CENPP: variants seen among roughly 807,000 people sequenced by gnomAD.
CENPP encodes centromere protein P.
CENPP carries 24 observed loss-of-function variants against 35.6 expected under a neutral mutation model. That is an observed-to-expected ratio of 0.67 (90% CI 0.49 to 0.95). The LOEUF is 0.95. Ranked by LOEUF, CENPP falls within the 40% of genes least tolerant of loss-of-function variation. The pLI is 0.00. For missense variants in CENPP, 332 were observed against 345.3 expected (o/e 0.96, Z 0.31); for synonymous variants, 120 against 125.5 (o/e 0.96, Z 0.29).
At chr9:92,457,365 A>G in intron 5 of CENPP, 1 of 1,613,892 alleles carries the variant, frequency 6.2e-7, no homozygotes, top group Non-Finnish European at 8.5e-7. Context: ...ATTTCCCAGT[A>G]TTTCACCGGG....
chr9:92,502,946 T>C (rs1459785176), intron 5 of CENPP, among the ~76,000 whole-genome samples: 1 of 151,638 alleles, frequency 6.6e-6, no homozygotes, highest in Non-Finnish European at 1.5e-5. Context: ...TGACTGAGAC[T>C]ACAGGTATGC....
chr9:92,337,742 C>T (rs1276093080), intron 3 of CENPP, 113 bp downstream of exon 3: 6 of 737,022 alleles, frequency 8.1e-6, no homozygotes, highest in South Asian at 4.6e-5. Flanking sequence ...TGAGCCAGGG[C>T]CCCCCCATTC....
intron 5 of CENPP, among the ~76,000 whole-genome samples, chr9:92,540,073 G>A (rs1383944283): frequency 6.6e-6 from 1 of 152,106 alleles, no homozygotes; most frequent in Non-Finnish European, 1.5e-5. Flanking sequence ...TTTTTAAAGT[G>A]CACAGTTAAA....
At chr9:92,349,579 T>G (rs776303563) in intron 4 of CENPP, among the ~76,000 whole-genome samples, 2 of 151,944 alleles carry the variant, frequency 1.3e-5, no homozygotes, top group African/African-American at 2.4e-5. Context: ...AGTTTTTGTA[T>G]TTTTAGGAGA....
chr9:92,415,273 C>A (rs1227769377), intron 5 of CENPP: 1 of 1,613,600 alleles, frequency 6.2e-7, no homozygotes, highest in Admixed American at 1.7e-5. Context: ...ATCTGGAAAT[C>A]TCCTGAAAAC....
At chr9:92,548,847 C>T (rs1330504981) in intron 5 of CENPP, among the ~76,000 whole-genome samples, 1 of 152,084 alleles carries the variant, frequency 6.6e-6, no homozygotes, top group African/African-American at 2.4e-5. Flanking sequence ...AAAATCCTAG[C>T]AGTTCACTTT....
At chr9:92,354,322 G>A (rs916277803) in intron 4 of CENPP, among the ~76,000 whole-genome samples, 11 of 152,248 alleles carry the variant, frequency 7.2e-5, no homozygotes, top group Admixed American at 2.6e-4. Flanking sequence ...GTGCCATATC[G>A]GGGGTCAGTG....
intron 5 of CENPP, among the ~76,000 whole-genome samples, chr9:92,579,122 A>C (rs1331364045): frequency 6.7e-6 from 1 of 150,210 alleles, no homozygotes; most frequent in African/African-American, 2.5e-5. Flanking sequence ...GATATGCAGC[A>C]TTATTTCTGA....
intron 3 of CENPP, among the ~76,000 whole-genome samples, chr9:92,338,059 C>G (rs1228991672): frequency 1.3e-5 from 2 of 152,170 alleles, no homozygotes; most frequent in African/African-American, 4.8e-5. Context: ...CACCTGTAGT[C>G]TCAGCATTTT....
At chr9:92,553,589 T>C (rs1849660363) in intron 5 of CENPP, among the ~76,000 whole-genome samples, 1 of 152,128 alleles carries the variant, frequency 6.6e-6, no homozygotes, top group South Asian at 2.1e-4. Flanking sequence ...CTTTCAGCAG[T>C]GTTTTGTAGT....
At chr9:92,439,786 A>C (rs1201616306) in intron 5 of CENPP, among the ~76,000 whole-genome samples, 1 of 152,196 alleles carries the variant, frequency 6.6e-6, no homozygotes, top group Non-Finnish European at 1.5e-5. Context: ...GAATTATGTA[A>C]TATTACTACA....
rs75091981 is a variant in CENPP, at chr9:92,476,758, C to T, written c.564+96899C>T. ...GACTCATCCCTCATAGGAAATGAGG[C>T]GTAAAGAGCTTAAGTGACTTGCCCA... On this transcript the variant is annotated intron_variant, in intron 5 of 7. Coordinates refer to ENST00000375587, the MANE Select transcript of CENPP (RefSeq NM_001012267.3). The surrounding 1 kb of genome is among the most constrained non-coding windows in gnomAD (Gnocchi z 4.1). 0.097 allele frequency among the ~76,000 whole-genome samples: 14,702 copies of T among 152,124 alleles called. 799 individuals carry two copies. The highest frequency in any genetic ancestry group is 0.15 in the Middle Eastern group (45 of 294).
chr9:92,533,920 A>T (rs931102200), intron 5 of CENPP, among the ~76,000 whole-genome samples: 1 of 151,854 alleles, frequency 6.6e-6, no homozygotes, highest in Non-Finnish European at 1.5e-5. Flanking sequence ...TTCTATAGAA[A>T]TTTTTTTCAA....
At chr9:92,404,570 A>G (rs1489401655) in intron 5 of CENPP, 4 of 1,293,358 alleles carry the variant, frequency 3.1e-6, no homozygotes, top group Non-Finnish European at 4.1e-6. Flanking sequence ...CCCAAGTGGG[A>G]GGGTGAATGA....
chr9:92,459,846 C>A, intron 5 of CENPP: 1 of 1,336,694 alleles, frequency 7.5e-7, no homozygotes, highest in South Asian at 1.3e-5. Flanking sequence ...ACACCGCAAA[C>A]TAGTTAGAAT....
intron 4 of CENPP, among the ~76,000 whole-genome samples, chr9:92,367,357 G>A (rs994614112): frequency 2.0e-5 from 3 of 152,066 alleles, no homozygotes; most frequent in African/African-American, 7.2e-5. Flanking sequence ...AGTAGAGACA[G>A]GGTTTTGCCA....
chr9:92,477,454 CT>C (rs1385051977), intron 5 of CENPP, among the ~76,000 whole-genome samples: 1 of 152,166 alleles, frequency 6.6e-6, no homozygotes, highest in Non-Finnish European at 1.5e-5. Context: ...AAGTTGGCCC[CT>C]GATTCCAGTT....
rs1469696991 is a variant in CENPP, at chr9:92,615,362, G to A, written c.*2213G>A. On this transcript the variant is annotated 3_prime_UTR_variant, in exon 8 of 8. Coordinates refer to ENST00000375587, the MANE Select transcript of CENPP (RefSeq NM_001012267.3). The stretch of plus-strand genomic sequence containing the variant: ...CCTGTGTTGATATGTGGCTTGCACT[G>A]AAAAAGTGACCATGTAACTCAGCTG... 1 of 175,828 alleles carries A rather than the reference G, an allele frequency of 5.7e-6. No individual in the cohort carries two copies. The highest frequency in any genetic ancestry group is 1.2e-5 in the Non-Finnish European group (1 of 82,936). 10.9% of individuals were successfully genotyped at this position (175,828 alleles called of 1,614,324 possible). A position where few individuals can be genotyped will look rare whatever the true frequency, so the allele number is the denominator to read the frequency against.
intron 5 of CENPP, chr9:92,386,425 A>G (rs1842424375): frequency 1.7e-6 from 1 of 604,544 alleles, no homozygotes; most frequent in Non-Finnish European, 3.0e-6. Flanking sequence ...GAATACATCA[A>G]TTATATCAAT....
Sources: gnomAD v4.1 joint callset for allele counts (sites outside exome capture counted in the v4.1 genomes callset) on GRCh38, gnomAD v4.1.1 for gene constraint, Gnocchi (gnomAD v3.1) non-coding constraint, MANE v1.5 for transcripts, NCBI Gene and HGNC (gene_info 2026-07-23, HGNC 2026-07-21) for gene names.